DCLK1: variants seen among roughly 807,000 people sequenced by gnomAD.
DCLK1 encodes the protein doublecortin like kinase 1.
In DCLK1, 16 loss-of-function variants were observed where a neutral mutation model predicts 86.2. The ratio of observed to expected loss-of-function variants is 0.19; its 90% confidence interval spans 0.13 to 0.28. DCLK1 has a LOEUF of 0.28. DCLK1 is among the 10% of genes least tolerant of loss of function. The pLI is 1.00. For missense variants in DCLK1, 590 were observed against 940.2 expected, an observed-to-expected ratio of 0.63 and a Z score of 4.87; for synonymous variants, 369 against 370.5, an observed-to-expected ratio of 1.00 and a Z score of 0.05.
intron 3 of DCLK1, among the ~76,000 whole-genome samples, chr13:35,986,912 T>C (rs1385251867): frequency 6.6e-6 from 1 of 152,174 alleles, no homozygotes; most frequent in African/African-American, 2.4e-5. Flanking sequence ...AGGGGAAAGA[T>C]GGTGAGGAGG....
intron 4 of DCLK1, among the ~76,000 whole-genome samples, chr13:35,892,735 A>T (rs1236208638): frequency 6.6e-6 from 1 of 152,214 alleles, no homozygotes; most frequent in Non-Finnish European, 1.5e-5. Flanking sequence ...CACCTAACAC[A>T]GGCTGTTTCC....
intron 4 of DCLK1, among the ~76,000 whole-genome samples, chr13:35,878,207 A>G (rs959452596): frequency 6.6e-6 from 1 of 152,202 alleles, no homozygotes; most frequent in Non-Finnish European, 1.5e-5. Flanking sequence ...TCCTGGTATA[A>G]TGGACAACTA....
intron 3 of DCLK1, among the ~76,000 whole-genome samples, chr13:35,962,634 A>G (rs1878518206): frequency 1.3e-5 from 2 of 152,234 alleles, no homozygotes; most frequent in African/African-American, 4.8e-5. Flanking sequence ...ACAGAAATAT[A>G]CAGAAATAAA....
intron 4 of DCLK1, among the ~76,000 whole-genome samples, chr13:35,936,932 A>AC (rs1332749475): frequency 6.6e-6 from 1 of 150,458 alleles, no homozygotes; most frequent in East Asian, 2.0e-4. Context: ...TCCCTGAAGA[A>AC]CCCATTAAAA....
At chr13:36,080,748 C>T (rs1331202337) in intron 3 of DCLK1, among the ~76,000 whole-genome samples, 1 of 152,192 alleles carries the variant, frequency 6.6e-6, no homozygotes, top group Non-Finnish European at 1.5e-5. Context: ...ACACACACGG[C>T]TTCTGCTTTC....
In DCLK1 at chr13:36,131,271, G is replaced by C. The variant is rs1309691596; in HGVS notation, c.-177C>G. On this transcript the variant is annotated 5_prime_UTR_variant, in exon 1 of 17. Transcript: ENST00000360631. ...TGGGCGGCAGCAGCTGCTGGAGCGC[G>C]GCGCCTCGGTTGCGGCCACTAGTGC... 6.4e-6 allele frequency: 1 copy of C among 155,070 alleles called. No homozygotes were observed. Among genetic ancestry groups the C allele is most frequent in the South Asian group, 1.8e-4 (1 of 5,702 alleles). 9.6% of individuals were successfully genotyped at this position (155,070 alleles called of 1,614,324 possible).
chr13:35,949,153 C>G (rs576368999), intron 3 of DCLK1, among the ~76,000 whole-genome samples: 1 of 152,312 alleles, frequency 6.6e-6, no homozygotes, highest in South Asian at 2.1e-4. Context: ...GGAGTATCTC[C>G]TAAAGTGTGG....
intron 6 of DCLK1, among the ~76,000 whole-genome samples, 166 bp from the exon 7 acceptor site, chr13:35,839,342 A>G (rs1454897200): frequency 6.6e-6 from 1 of 152,144 alleles, no homozygotes; most frequent in Non-Finnish European, 1.5e-5. Context: ...CTGGGGCCAC[A>G]TCTCCCTCTC....
intron 1 of DCLK1, among the ~76,000 whole-genome samples, chr13:36,130,821 G>T (rs1886337772): frequency 6.6e-6 from 1 of 152,130 alleles, no homozygotes; most frequent in Admixed American, 6.5e-5. Flanking sequence ...CTAACAACGC[G>T]AAAAGCCTGG....
chr13:35,835,991 A>G (rs377200033), intron 8 of DCLK1, 42 bp downstream of exon 8: 63 of 1,409,230 alleles, frequency 4.5e-5, no homozygotes, highest in Non-Finnish European at 5.7e-5. Flanking sequence ...CATAACGCCA[A>G]ATGTAACCTT....
At chr13:35,903,223 G>C (rs952123941) in intron 4 of DCLK1, among the ~76,000 whole-genome samples, 11 of 152,124 alleles carry the variant, frequency 7.2e-5, no homozygotes, top group Non-Finnish European at 1.3e-4. Flanking sequence ...AAATGCAAAG[G>C]CTTCTATCAT....
At chr13:35,965,494 G>A (rs977398118) in intron 3 of DCLK1, among the ~76,000 whole-genome samples, 3 of 152,148 alleles carry the variant, frequency 2.0e-5, no homozygotes, top group Non-Finnish European at 4.4e-5. Flanking sequence ...GGTTGTAAGC[G>A]ATGTTTCCAC....
chr13:35,855,978 A>G (rs1388353251), intron 5 of DCLK1: 1 of 495,164 alleles, frequency 2.0e-6, no homozygotes, highest in Non-Finnish European at 2.6e-6. Context: ...GTGGCAAGGT[A>G]GGATGTTTAT....
chr13:36,110,827 A>ATTTT (rs869131031), intron 3 of DCLK1, among the ~76,000 whole-genome samples: 10 of 120,138 alleles, frequency 8.3e-5, no homozygotes, highest in South Asian at 2.8e-4. Context: ...CATATAATCA[A>ATTTT]TTTTTTTTTT....
At chr13:35,822,590 C>CA in intron 11 of DCLK1, 139 bp downstream of exon 11, 1 of 1,232,362 alleles carries the variant, frequency 8.1e-7, no homozygotes, top group Non-Finnish European at 1.1e-6. Flanking sequence ...GGCTAGTTTC[C>CA]AACTAGCTCC....
At position 35,768,892 on chromosome 13, in the gene DCLK1, C is replaced by T. The variant is rs1005914762; in HGVS notation, c.*5643G>A. 6.6e-6 allele frequency: 1 copy of T among 152,144 alleles called. No homozygotes were observed. The highest frequency in any genetic ancestry group is 6.5e-5 in the Admixed American group (1 of 15,282). 9.4% of individuals were successfully genotyped at this position (152,144 alleles called of 1,614,324 possible). On this transcript the variant is annotated 3_prime_UTR_variant, in exon 17 of 17. Coordinates refer to ENST00000360631, the MANE Select transcript of DCLK1 (RefSeq NM_001330071.2). ...CTATTCCTTCGTGAACTGAATGTGT[C>T]AATTGTGAATTGAACTAAGGTGAAA... is the stretch of plus-strand genomic sequence containing the variant.
chr13:36,053,152 G>A lies in DCLK1; in HGVS notation c.723+58717C>T, dbSNP rs147360217. ...GTATTAAAAGGAATGCTATATTTAAGGCTGCCTGATCTTTCTACTTACTAT... is the reference window on the plus strand; with the variant it reads ...GTATTAAAAGGAATGCTATATTTAAAGCTGCCTGATCTTTCTACTTACTAT... On this transcript the variant is annotated intron_variant, in intron 3 of 16. Transcript: ENST00000360631. 1.6e-3 allele frequency among the ~76,000 whole-genome samples: 245 copies of A among 152,238 alleles called. 1 individual carries two copies. Among genetic ancestry groups the A allele is most frequent in the African/African-American group, 5.5e-3 (230 of 41,560 alleles).
chr13:35,822,870 T>TC lies in DCLK1; in HGVS notation c.1412dup (p.Asp472ArgfsTer4). On this transcript the variant is annotated frameshift_variant, in exon 11 of 17. Transcript: ENST00000360631. LOFTEE classifies it high-confidence loss of function. ...TGGAAGTAATGGCATCAAAAAGGTC[T>TC]CCCCCCTGAGAAGAGAACAGAAGCT... 6.2e-7 allele frequency: 1 copy of TC among 1,612,140 alleles called. No individual in the cohort carries two copies. Among genetic ancestry groups the TC allele is most frequent in the Non-Finnish European group, 8.5e-7 (1 of 1,179,412 alleles).
At chr13:35,950,429 T>A (rs1442199254) in intron 3 of DCLK1, among the ~76,000 whole-genome samples, 2 of 152,250 alleles carry the variant, frequency 1.3e-5, no homozygotes, top group Non-Finnish European at 2.9e-5. Flanking sequence ...TACATTCTGA[T>A]ATTAAGGAAT....
Sources: allele counts gnomAD v4.1 joint callset (sites outside exome capture counted in the v4.1 genomes callset), GRCh38; gene constraint gnomAD v4.1.1; transcripts MANE v1.5; gene names NCBI Gene and HGNC (gene_info 2026-07-23, HGNC 2026-07-21).